DNAJC10: variants seen among roughly 807,000 people sequenced by gnomAD.
DNAJC10 encodes DnaJ heat shock protein family (Hsp40) member C10.
In DNAJC10, 101 loss-of-function variants were observed where a neutral mutation model predicts 115.0. The ratio of observed to expected loss-of-function variants is 0.88; its 90% CI spans 0.75 to 1.04. The LOEUF (loss-of-function observed/expected upper bound fraction) is 1.04. Among genes scored for constraint, DNAJC10 ranks in the 50% least tolerant of loss-of-function variants. The pLI, the probability that DNAJC10 is intolerant of heterozygous loss-of-function variation, is 0.00. For missense variants in DNAJC10, 981 were observed against 928.8 expected (o/e 1.06, Z -0.73); for synonymous variants, 307 against 301.5 (o/e 1.02, Z -0.19).
Position 182,794,269 on chromosome 2 carries a change from A to G in DNAJC10, c.*17137A>G, listed in dbSNP as rs1459744829. ...CAGATGCGTATTTGCGGACCTCAGA[A>G]AAATTTGAGTACATAGGAAACAATA... On this transcript the variant is annotated 3_prime_UTR_variant, in exon 24 of 24. Coordinates refer to ENST00000264065, the MANE Select transcript of DNAJC10 (RefSeq NM_018981.4). 6.6e-6 allele frequency: 1 copy of G among 152,208 alleles called. No individual in the cohort carries two copies. Among genetic ancestry groups the G allele is most frequent in the Non-Finnish European group, 1.5e-5 (1 of 68,034 alleles). 9.4% of individuals were successfully genotyped at this position (152,208 alleles called of 1,614,324 possible).
chr2:182,738,311 G>C (rs1042836368), intron 11 of DNAJC10, among the ~76,000 whole-genome samples: 7 of 152,196 alleles, frequency 4.6e-5, no homozygotes, highest in African/African-American at 1.4e-4. Flanking sequence ...TTGCCCTCCG[G>C]AAAAGTTGTA....
chr2:182,756,194 T>C (rs895481185), intron 17 of DNAJC10, 120 bp from the exon 18 acceptor site: 16 of 845,692 alleles, frequency 1.9e-5, no homozygotes, highest in Non-Finnish European at 2.4e-5. Flanking sequence ...AAATTCAAAA[T>C]TCTCAATACT....
In DNAJC10 at chr2:182,783,768, T is replaced by C. The variant is rs2105723338; in HGVS notation, c.*6636T>C. The C allele has an allele frequency of 6.6e-6, 1 of 152,248 alleles. No homozygotes were observed. The highest frequency in any genetic ancestry group is 2.1e-4 in the South Asian group (1 of 4,828). 9.4% of individuals were successfully genotyped at this position (152,248 alleles called of 1,614,324 possible). ...AACAGCAGTATCTCATGTTTTACTA[T>C]AAAAACTTGGGTATATTACTTGAAG... On this transcript the variant is annotated 3_prime_UTR_variant, in exon 24 of 24. Transcript: ENST00000264065.
intron 14 of DNAJC10, among the ~76,000 whole-genome samples, chr2:182,749,085 C>G (rs572733591): frequency 3.4e-4 from 51 of 152,010 alleles, no homozygotes; most frequent in African/African-American, 1.1e-3. Flanking sequence ...AGGGTGTGGC[C>G]AATTTTGGAA....
intron 21 of DNAJC10, among the ~76,000 whole-genome samples, chr2:182,760,310 T>G (rs1694258214): frequency 6.6e-6 from 1 of 152,240 alleles, no homozygotes; most frequent in Non-Finnish European, 1.5e-5. Context: ...TTATCAAGTG[T>G]ACTGATACAG....
chr2:182,738,805 G>A (rs1693653279), intron 11 of DNAJC10, among the ~76,000 whole-genome samples: 1 of 152,132 alleles, frequency 6.6e-6, no homozygotes, highest in African/African-American at 2.4e-5. Context: ...CTCCCAAAGT[G>A]TTGGGATTAC....
intron 22 of DNAJC10, among the ~76,000 whole-genome samples, chr2:182,764,000 C>T (rs964246575): frequency 6.6e-6 from 1 of 152,154 alleles, no homozygotes; most frequent in Non-Finnish European, 1.5e-5. Context: ...TTTGTAGTTG[C>T]TGTGACTATT....
intron 14 of DNAJC10, among the ~76,000 whole-genome samples, chr2:182,745,805 G>A (rs1213513567): frequency 1.3e-5 from 2 of 150,694 alleles, no homozygotes; most frequent in African/African-American, 4.9e-5. Context: ...AATTACATAT[G>A]TATACATGTG....
intron 22 of DNAJC10, among the ~76,000 whole-genome samples, chr2:182,774,804 C>T (rs552717063): frequency 1.5e-3 from 184 of 125,532 alleles, no homozygotes; most frequent in Middle Eastern, 8.8e-3. Flanking sequence ...TTGCACTTCC[C>T]GGGTGAGACA....
At chr2:182,720,938 T>C (rs1426610411) in intron 4 of DNAJC10, among the ~76,000 whole-genome samples, 3 of 152,016 alleles carry the variant, frequency 2.0e-5, no homozygotes, top group African/African-American at 7.2e-5. Flanking sequence ...GACATTAAGG[T>C]CAATACCTTG....
In DNAJC10 at chr2:182,777,264, T is replaced by C. The variant is rs1446129876; in HGVS notation, c.*132T>C. On this transcript the variant is annotated 3_prime_UTR_variant, in exon 24 of 24. Transcript: ENST00000264065. ...TAGACTTGCAGTTGTACTGCCAGAATTATCTACAGCACTGGTGTAAAAGAA... is the reference window on the plus strand; with the variant it reads ...TAGACTTGCAGTTGTACTGCCAGAACTATCTACAGCACTGGTGTAAAAGAA... The C allele has an allele frequency of 1.9e-6, 1 of 530,626 alleles. No individual in the cohort carries two copies. The highest frequency in any genetic ancestry group is 2.0e-5 in the African/African-American group (1 of 51,212). The allele number at this position is 530,626 out of a possible 1,614,324, so 32.9% of individuals were successfully genotyped here.
chr2:182,757,705 T>C lies in DNAJC10; in HGVS notation c.1823T>C (p.Leu608Pro), dbSNP rs1378825787. ...TTTCTTTTACAGACATTAACTGGAC[T>C]GATCAACGTGGGCAGTATAGATTGC... ...WKRMARTLTGLINVGSIDCQQ... is the reference protein window; with the variant it reads ...WKRMARTLTGPINVGSIDCQQ... Residue 608 changes from leucine to proline, a missense_variant, in exon 19 of 24, where the codon CTG (leucine) becomes CCG (proline). By Grantham distance (98) the Leu-to-Pro change is moderately conservative (BLOSUM62 -3). Transcript: ENST00000264065. The C allele has an allele frequency of 6.4e-7, 1 of 1,566,648 alleles. No homozygotes were observed. Among genetic ancestry groups the C allele is most frequent in the Non-Finnish European group, 8.6e-7 (1 of 1,161,460 alleles).
Position 182,742,511 on chromosome 2 carries a change from A to G in DNAJC10, c.1192-1087A>G, listed in dbSNP as rs288255. On this transcript the variant is annotated intron_variant, in intron 13 of 23. Transcript: ENST00000264065. ...GGCCACATGGGAAATTTTCAACTCA[A>G]GGTTATGTTTTCTTAAATGGTTTTT... Among the ~76,000 whole-genome samples the G allele has an allele frequency of 2.8e-3, 425 of 152,172 alleles. 2 individuals are homozygous for G. Among genetic ancestry groups the G allele is most frequent in the African/African-American group, 9.5e-3 (395 of 41,512 alleles).
chr2:182,770,433 C>T (rs1271693353), intron 22 of DNAJC10, among the ~76,000 whole-genome samples: 5 of 152,080 alleles, frequency 3.3e-5, no homozygotes, highest in South Asian at 4.1e-4. Context: ...ATTATTGATT[C>T]TTCCTATCCA....
Position 182,741,366 on chromosome 2 carries a change from A to C in DNAJC10, c.1191+10A>C. ...AAATGATCATATTCAAGTAAGAAAA[A>C]TGTATTCTGCCTAGCCTTCTGCTGG... On this transcript the variant is annotated intron_variant, in intron 13 of 23. Coordinates refer to ENST00000264065, the MANE Select transcript of DNAJC10 (RefSeq NM_018981.4). The C allele has an allele frequency of 7.2e-7, 1 of 1,395,022 alleles. No homozygotes were observed. The highest frequency in any genetic ancestry group is 1.3e-5 in the South Asian group (1 of 79,320). 86.4% of individuals were successfully genotyped at this position (1,395,022 alleles called of 1,614,324 possible). A position where few individuals can be genotyped will look rare whatever the true frequency, so the allele number is the denominator to read the frequency against.
chr2:182,726,513 T>G (rs1693287060), intron 5 of DNAJC10, among the ~76,000 whole-genome samples: 1 of 152,170 alleles, frequency 6.6e-6, no homozygotes, highest in Admixed American at 6.5e-5. Context: ...GAAGTTCTAC[T>G]GTGGGTCAGA....
chr2:182,757,620 A>T (rs925118537), intron 18 of DNAJC10, 72 bp from the exon 19 acceptor site: 1 of 1,194,086 alleles, frequency 8.4e-7, no homozygotes, highest in Non-Finnish European at 1.1e-6. Context: ...TCACCATAAT[A>T]ATACAATGCT....
Position 182,757,717 on chromosome 2 carries a change from G to T in DNAJC10, c.1835G>T (p.Gly612Val), listed in dbSNP as rs1180032185. The T allele has an allele frequency of 6.3e-7, 1 of 1,593,770 alleles. No homozygotes were observed. The highest frequency in any genetic ancestry group is 1.8e-5 in the Admixed American group (1 of 56,236). Residue 612 changes from glycine to valine, a missense_variant, in exon 19 of 24, where the codon GGC becomes GTC. By Grantham distance (109) the Gly-to-Val change is moderately radical. Coordinates refer to ENST00000264065, the MANE Select transcript of DNAJC10 (RefSeq NM_018981.4). ...ARTLTGLINV[G>V]SIDCQQYHSF... ...ACATTAACTGGACTGATCAACGTGGGCAGTATAGATTGCCAACAGTATCAT... is the reference window on the plus strand; with the variant it reads ...ACATTAACTGGACTGATCAACGTGGTCAGTATAGATTGCCAACAGTATCAT...
At chr2:182,768,543 A>G (rs1694475082) in intron 22 of DNAJC10, among the ~76,000 whole-genome samples, 2 of 152,176 alleles carry the variant, frequency 1.3e-5, no homozygotes, top group South Asian at 4.1e-4. Flanking sequence ...GTAAGGAGAA[A>G]CACAAACCAG....
Sources: allele counts gnomAD v4.1 joint callset (sites outside exome capture counted in the v4.1 genomes callset), GRCh38; gene constraint gnomAD v4.1.1; transcripts MANE v1.5; gene names NCBI Gene and HGNC (gene_info 2026-07-23, HGNC 2026-07-21).